The following ANKRD28 variants were observed in gnomAD, a reference collection of about 807,000 sequenced individuals.
ANKRD28 encodes the protein serine/threonine-protein phosphatase 6 regulatory ankyrin repeat subunit A.
ANKRD28 carries 44 observed loss-of-function variants against 126.5 expected under a neutral mutation model. The observed-to-expected ratio is 0.35, with a 90% CI of 0.27 to 0.45. The LOEUF (loss-of-function observed/expected upper bound fraction) is 0.45. Ranked by LOEUF, ANKRD28 falls within the 20% of genes least tolerant of loss-of-function variation. The pLI is 1.00. For synonymous variants in ANKRD28, 442 were observed against 468.5 expected, an observed-to-expected ratio of 0.94 and a Z score of 0.73; for missense variants, 1,110 against 1,316.6, an observed-to-expected ratio of 0.84 and a Z score of 2.43.
rs542451215 is a variant in ANKRD28, at chr3:15,746,543, A to C, written c.351+5207T>G. On this transcript the variant is annotated intron_variant, in intron 4 of 27. Coordinates refer to ENST00000683139, the MANE Select transcript of ANKRD28 (RefSeq NM_001349278.2). ...CTTAGGTATGTTAATAACACCATCC[A>C]TGCACCCCTGGTATGAAACCCACCT... Among the ~76,000 whole-genome samples, 18 of 152,282 alleles carry C rather than the reference A, an allele frequency of 1.2e-4. 1 individual carries two copies. In the South Asian group the frequency reaches 3.7e-3, roughly 32 times the overall value.
At chr3:15,680,118 T>C (rs951189344) in intron 21 of ANKRD28, among the ~76,000 whole-genome samples, 14 of 152,220 alleles carry the variant, frequency 9.2e-5, no homozygotes, top group Non-Finnish European at 2.1e-4. Flanking sequence ...TTTATTTTTT[T>C]CTTAATGGCA....
chr3:15,739,567 T>A (rs1326203236), intron 4 of ANKRD28, among the ~76,000 whole-genome samples: 3 of 152,210 alleles, frequency 2.0e-5, no homozygotes, highest in Admixed American at 6.5e-5. Flanking sequence ...AATGTTCTTA[T>A]CTGTAAAGGA....
At chr3:15,796,229 A>C (rs192751194) in intron 1 of ANKRD28, among the ~76,000 whole-genome samples, 176 bp downstream of exon 1, 1 of 152,308 alleles carries the variant, frequency 6.6e-6, no homozygotes. Flanking sequence ...GCATTCAAAA[A>C]AGTAAAAACG....
chr3:15,719,931 C>T (rs988824887), intron 8 of ANKRD28, among the ~76,000 whole-genome samples: 1 of 152,102 alleles, frequency 6.6e-6, no homozygotes, highest in Non-Finnish European at 1.5e-5. Flanking sequence ...AGGGCAGTAG[C>T]ATGATCTCAG....
chr3:15,676,052 C>A (rs754972889), intron 26 of ANKRD28, 63 bp from the exon 27 acceptor site: 49 of 1,356,652 alleles, frequency 3.6e-5, no homozygotes, highest in Middle Eastern at 1.9e-4. Context: ...CACATACACA[C>A]CTGGCTGTCA....
chr3:15,712,975 T>C (rs2072519622), intron 10 of ANKRD28, among the ~76,000 whole-genome samples: 1 of 152,158 alleles, frequency 6.6e-6, no homozygotes, highest in African/African-American at 2.4e-5. Flanking sequence ...TAAACATAAA[T>C]TTAAGTATGG....
chr3:15,854,336 C>A lies in ANKRD28; in HGVS notation c.27+5041G>T, dbSNP rs2061716678. Among the ~76,000 whole-genome samples the A allele has an allele frequency of 6.6e-6, 1 of 152,232 alleles. No homozygotes were observed. The highest frequency in any genetic ancestry group is 6.5e-5 in the Admixed American group (1 of 15,286). ...ATCCCATCCATCCTTCCTGGCTTGC[C>A]TTCACAGTTCCCTCTTGTTGCTTTC... On this transcript the variant is annotated intron_variant, in intron 1 of 27. Transcript: ENST00000399451. The surrounding 1 kb of genome is among the most constrained non-coding windows in gnomAD (Gnocchi z 4.1).
chr3:15,691,415 G>A (rs949811779), intron 17 of ANKRD28, among the ~76,000 whole-genome samples: 1 of 152,168 alleles, frequency 6.6e-6, no homozygotes, highest in African/African-American at 2.4e-5. Context: ...GAGCCACTGC[G>A]CCCGGCCCCG....
intron 1 of ANKRD28, among the ~76,000 whole-genome samples, chr3:15,820,379 C>T (rs541692036): frequency 4.6e-5 from 7 of 152,162 alleles, no homozygotes; most frequent in African/African-American, 1.7e-4. Flanking sequence ...TTTAAAGCTA[C>T]TGATTTACCA....
chr3:15,692,010 C>T (rs1202808962), intron 17 of ANKRD28, among the ~76,000 whole-genome samples: 1 of 150,706 alleles, frequency 6.6e-6, no homozygotes, highest in Non-Finnish European at 1.5e-5. Context: ...CCTGGTGGCA[C>T]ATGCCTGTGG....
intron 6 of ANKRD28, among the ~76,000 whole-genome samples, chr3:15,728,144 ATAGT>A (rs1223951995): frequency 1.3e-5 from 2 of 150,858 alleles, no homozygotes; most frequent in Admixed American, 6.6e-5. Context: ...GGCTCATACG[ATAGT>A]TAGCATTTTT....
At chr3:15,836,035 A>G (rs2061319628) in intron 1 of ANKRD28, among the ~76,000 whole-genome samples, 1 of 152,218 alleles carries the variant, frequency 6.6e-6, no homozygotes, top group Non-Finnish European at 1.5e-5. Flanking sequence ...TAAACATATG[A>G]AAATGAAGCA....
chr3:15,793,158 C>A (rs536876830), intron 2 of ANKRD28, among the ~76,000 whole-genome samples: 84 of 152,100 alleles, frequency 5.5e-4, no homozygotes, highest in Non-Finnish European at 1.1e-3. Context: ...TGACATAAAG[C>A]TTAAAAATAT....
In ANKRD28 at chr3:15,812,723, G is replaced by A. The variant is rs1228622257; in HGVS notation, c.28-17417C>T. Among the ~76,000 whole-genome samples, 1 of 152,076 alleles carries A rather than the reference G, an allele frequency of 6.6e-6. No homozygotes were observed. Among genetic ancestry groups the A allele is most frequent in the African/African-American group, 2.4e-5 (1 of 41,404 alleles). On this transcript the variant is annotated intron_variant, in intron 1 of 27. Transcript: ENST00000399451. The surrounding 1 kb of genome is among the most constrained non-coding windows in gnomAD (Gnocchi z 4.1). ...AAAATGGTTTAAAAAGTGTGTGAGG[G>A]GGTGAATTTCCAATGGAACTCTAGT...
intron 13 of ANKRD28, among the ~76,000 whole-genome samples, chr3:15,709,164 G>A (rs1219727721): frequency 6.6e-6 from 1 of 152,132 alleles, no homozygotes; most frequent in Non-Finnish European, 1.5e-5. Flanking sequence ...AGTGGGATGT[G>A]TGGATATATG....
chr3:15,730,136 A>T (rs951073691), intron 6 of ANKRD28, among the ~76,000 whole-genome samples: 1 of 152,194 alleles, frequency 6.6e-6, no homozygotes, highest in Non-Finnish European at 1.5e-5. Context: ...GATTACAGGC[A>T]TAAGTGACCA....
chr3:15,695,341 G>T lies in ANKRD28; in HGVS notation c.1660-127C>A, dbSNP rs2125882205. ...GCTTCCTTTGGCTCCAAAAAATTAG[G>T]TGTTTTGAATAAACAATTTTATATC... On this transcript the variant is annotated intron_variant, in intron 15 of 27. Coordinates refer to ENST00000683139, the MANE Select transcript of ANKRD28 (RefSeq NM_001349278.2). 6.0e-6 allele frequency: 4 copies of T among 670,756 alleles called. No individual in the cohort carries two copies. The East Asian group carries it at 1.1e-4, about 19-fold the overall frequency. The allele number at this position is 670,756 out of a possible 1,614,324, so 41.6% of individuals were successfully genotyped here. A position where few individuals can be genotyped will look rare whatever the true frequency, so the allele number is the denominator to read the frequency against.
chr3:15,685,190 TA>T, intron 21 of ANKRD28, 35 bp downstream of exon 21: 1 of 1,585,598 alleles, frequency 6.3e-7, no homozygotes, highest in South Asian at 1.1e-5. Flanking sequence ...CTCTGTTCAC[TA>T]CACAATGATA....
chr3:15,695,313 C>T (rs551296823), intron 15 of ANKRD28, 99 bp from the exon 16 acceptor site: 30 of 878,480 alleles, frequency 3.4e-5, no homozygotes, highest in Admixed American at 2.3e-4. Context: ...ACCCTAAACC[C>T]GTGCTTCCTT....
Sources: gnomAD v4.1 joint callset for allele counts (sites outside exome capture counted in the v4.1 genomes callset) on GRCh38, gnomAD v4.1.1 for gene constraint, Gnocchi (gnomAD v3.1) non-coding constraint, MANE v1.5 for transcripts, NCBI Gene and HGNC (gene_info 2026-07-23, HGNC 2026-07-21) for gene names.